Variants in GLI2 observed in about 807,000 individuals in gnomAD.
The protein encoded by GLI2 is transcription activator GLI2.
GLI2 carries 22 observed loss-of-function variants against 78.9 expected under a neutral mutation model. The observed-to-expected ratio is 0.28, with a 90% CI of 0.20 to 0.40. GLI2 has a LOEUF of 0.40. GLI2 is among the 10% of genes least tolerant of loss of function. The pLI is 1.00. For missense variants in GLI2, 2,097 were observed against 2,213.2 expected (o/e 0.95, Z 1.05); for synonymous variants, 974 against 963.7 (o/e 1.01, Z -0.20).
intron 2 of GLI2, among the ~76,000 whole-genome samples, chr2:120,893,657 GAA>G (rs554892325): frequency 1.9e-4 from 25 of 129,772 alleles, no homozygotes; most frequent in African/African-American, 6.6e-4. Context: ...AAAGAAGAAA[GAA>G]AAAAAAAAAG....
chr2:120,793,799 C>G (rs1684257247), intron 1 of GLI2, among the ~76,000 whole-genome samples: 1 of 152,192 alleles, frequency 6.6e-6, no homozygotes, highest in South Asian at 2.1e-4. Context: ...CTACATTCAC[C>G]CTGTTTCTGG....
At chr2:120,865,564 T>C (rs921929053) in intron 2 of GLI2, among the ~76,000 whole-genome samples, 1 of 152,084 alleles carries the variant, frequency 6.6e-6, no homozygotes, top group Non-Finnish European at 1.5e-5. Flanking sequence ...CAAGAAGGGG[T>C]TCTGCTTTTC....
At chr2:120,977,550 A>AG (rs1452866309) in intron 9 of GLI2, among the ~76,000 whole-genome samples, 4 of 151,396 alleles carry the variant, frequency 2.6e-5, no homozygotes, top group African/African-American at 7.3e-5. Context: ...AGGTTGTGGG[A>AG]GGGGGGCTGG....
At chr2:120,859,735 G>A (rs1349211695) in intron 2 of GLI2, among the ~76,000 whole-genome samples, 7 of 151,572 alleles carry the variant, frequency 4.6e-5, no homozygotes, top group South Asian at 2.1e-4. Context: ...GATTACAGGC[G>A]TGAGCCATCG....
intron 3 of GLI2, among the ~76,000 whole-genome samples, chr2:120,946,948 C>T (rs537418785): frequency 6.6e-6 from 1 of 152,312 alleles, no homozygotes; most frequent in African/African-American, 2.4e-5. Flanking sequence ...TCAAAATGAC[C>T]ATCTCTGGGA....
At chr2:120,925,210 C>T (rs1392009160) in intron 2 of GLI2, among the ~76,000 whole-genome samples, 2 of 152,294 alleles carry the variant, frequency 1.3e-5, no homozygotes, top group Non-Finnish European at 2.9e-5. Flanking sequence ...GGACCACGTG[C>T]CTGCAACCAA....
rs763015560 is a variant in GLI2, at chr2:120,989,844, T to C, written c.3879T>C (p.Ala1293=). ...TTGGGGTCCCCGATTCAGCCCTGGC[T>C]GGAGTGCCACCACCTCACCCAGTCC... ...RELGVPDSAL[A]GVPPPHPVQS... is the part of the protein sequence containing the mutation. Residue 1293 remains alanine, a synonymous_variant, in exon 14 of 14, where the codon GCT becomes GCC. Transcript: ENST00000361492. 2.5e-6 allele frequency: 4 copies of C among 1,612,682 alleles called. No individual in the cohort carries two copies. In the African/African-American group the frequency reaches 4.0e-5, roughly 16 times the overall value.
chr2:120,800,671 AT>A lies in GLI2; in HGVS notation c.148+3210del, dbSNP rs1203973343. The stretch of plus-strand genomic sequence containing the variant: ...AGGCACCCGCCACCACACCTGGCTA[AT>A]TTTTTTGTATTTTTTAGTAGAGATG... On this transcript the variant is annotated intron_variant, in intron 2 of 13. Coordinates refer to ENST00000361492, the MANE Select transcript of GLI2 (RefSeq NM_001374353.1). The surrounding 1 kb of genome is among the most constrained non-coding windows in gnomAD (Gnocchi z 4.1). Among the ~76,000 whole-genome samples, 2 of 151,334 alleles carry A rather than the reference AT, an allele frequency of 1.3e-5. No individual in the cohort carries two copies. Among genetic ancestry groups the A allele is most frequent in the African/African-American group, 4.9e-5 (2 of 41,154 alleles).
At chr2:120,888,783 A>G (rs1454379554) in intron 2 of GLI2, among the ~76,000 whole-genome samples, 1 of 152,182 alleles carries the variant, frequency 6.6e-6, no homozygotes, top group Non-Finnish European at 1.5e-5. Flanking sequence ...TGCATGTTCC[A>G]GTTCTGGGTC....
intron 2 of GLI2, among the ~76,000 whole-genome samples, chr2:120,797,780 C>T (rs13017436): frequency 6.6e-6 from 1 of 151,970 alleles, no homozygotes; most frequent in East Asian, 1.9e-4. Context: ...CCAGGCAGCC[C>T]TGGGGTGCGT....
intron 2 of GLI2, among the ~76,000 whole-genome samples, chr2:120,830,627 G>C (rs983451434): frequency 6.6e-6 from 1 of 152,228 alleles, no homozygotes; most frequent in Non-Finnish European, 1.5e-5. Flanking sequence ...GGGCCTGTTT[G>C]TTGGGGCTCC....
chr2:120,877,340 C>T (rs1011727119), intron 2 of GLI2, among the ~76,000 whole-genome samples: 1 of 152,178 alleles, frequency 6.6e-6, no homozygotes, highest in Non-Finnish European at 1.5e-5. Context: ...GATGTGGCTT[C>T]AAAATGGCCA....
intron 1 of GLI2, among the ~76,000 whole-genome samples, chr2:120,747,711 C>A (rs1048774030): frequency 2.0e-5 from 3 of 152,200 alleles, no homozygotes; most frequent in African/African-American, 7.2e-5. Context: ...TCTCCAGAAA[C>A]CCTGAGTGGG....
intron 2 of GLI2, among the ~76,000 whole-genome samples, chr2:120,845,155 C>G (rs1276116610): frequency 6.6e-6 from 1 of 152,130 alleles, no homozygotes; most frequent in Non-Finnish European, 1.5e-5. Flanking sequence ...CGCCTGTAAT[C>G]CCAGCTGTTC....
At chr2:120,886,790 G>A (rs1349199571) in intron 2 of GLI2, among the ~76,000 whole-genome samples, 1 of 152,222 alleles carries the variant, frequency 6.6e-6, no homozygotes, top group African/African-American at 2.4e-5. Flanking sequence ...GGGCCCCAAG[G>A]AACCCCAGAC....
chr2:120,860,023 G>C (rs1046490388), intron 2 of GLI2, among the ~76,000 whole-genome samples: 1 of 152,194 alleles, frequency 6.6e-6, no homozygotes, highest in South Asian at 2.1e-4. Flanking sequence ...ACTGAAGCAC[G>C]TGTAGAAACA....
At chr2:120,963,530 G>T (rs865855920) in intron 5 of GLI2, among the ~76,000 whole-genome samples, 1 of 143,642 alleles carries the variant, frequency 7.0e-6, no homozygotes, top group African/African-American at 3.0e-5. Context: ...GTGTGTATGT[G>T]TCCACCTGGG....
At chr2:120,904,199 G>C (rs1678403175) in intron 2 of GLI2, among the ~76,000 whole-genome samples, 1 of 152,322 alleles carries the variant, frequency 6.6e-6, no homozygotes, top group African/African-American at 2.4e-5. Flanking sequence ...CTTCTGGAAA[G>C]AGCATTTGGA....
chr2:120,751,811 C>G (rs1682882231), intron 1 of GLI2, among the ~76,000 whole-genome samples: 1 of 152,136 alleles, frequency 6.6e-6, no homozygotes, highest in Non-Finnish European at 1.5e-5. Flanking sequence ...ACAGATATGT[C>G]TCTGACCACA....
Sources: gnomAD v4.1 joint callset for allele counts (sites outside exome capture counted in the v4.1 genomes callset) on GRCh38, gnomAD v4.1.1 for gene constraint, Gnocchi (gnomAD v3.1) non-coding constraint, MANE v1.5 for transcripts, NCBI Gene and HGNC (gene_info 2026-07-23, HGNC 2026-07-21) for gene names.